Variants in TMEM131L observed in about 807,000 individuals in gnomAD.
TMEM131L encodes the protein transmembrane protein 131-like.
Under a neutral mutation model 192.2 loss-of-function variants are expected in TMEM131L, and 54 were observed. That is an observed-to-expected ratio of 0.28 (90% CI 0.23 to 0.35). The LOEUF is 0.35. TMEM131L is among the 10% of genes least tolerant of loss of function. The pLI is 1.00. For missense variants in TMEM131L, 1,888 were observed against 1,972.9 expected, an observed-to-expected ratio of 0.96 and a Z score of 0.82; for synonymous variants, 701 against 704.9, an observed-to-expected ratio of 0.99 and a Z score of 0.09.
At chr4:153,568,601 C>CCTAGCATAGAGT (rs150075870) in intron 7 of TMEM131L, among the ~76,000 whole-genome samples, 17,129 of 152,054 alleles carry the variant, frequency 0.11, 2,877 homozygotes, top group African/African-American at 0.37. Context: ...TTTCCTATTA[C>CCTAGCATAGAGT]CTGGCAATAT....
chr4:153,605,141 T>A (rs191544137), intron 25 of TMEM131L, among the ~76,000 whole-genome samples: 1 of 152,348 alleles, frequency 6.6e-6, no homozygotes. Flanking sequence ...CTGGTTCTTC[T>A]CTAATTGTAT....
chr4:153,545,236 C>T (rs1403396987), intron 3 of TMEM131L, among the ~76,000 whole-genome samples: 1 of 151,880 alleles, frequency 6.6e-6, no homozygotes, highest in African/African-American at 2.4e-5. Context: ...AGGACCTGAC[C>T]CAGCACCTTC....
intron 26 of TMEM131L, among the ~76,000 whole-genome samples, chr4:153,616,829 T>G (rs771756180): frequency 2.0e-5 from 3 of 152,234 alleles, no homozygotes; most frequent in Non-Finnish European, 4.4e-5. Flanking sequence ...TTTCAGTGGT[T>G]ACATAACATT....
chr4:153,489,192 C>G (rs925303158), intron 3 of TMEM131L, among the ~76,000 whole-genome samples: 2 of 152,144 alleles, frequency 1.3e-5, no homozygotes, highest in Non-Finnish European at 2.9e-5. Context: ...TTTCCTTGCC[C>G]TCCCCCAACA....
At position 153,581,461 on chromosome 4, in the gene TMEM131L, A is replaced by G; in HGVS notation, c.793A>G (p.Thr265Ala). ...VLRLQMSIMV[T>A]MENFSKEFEE... The stretch of plus-strand genomic sequence containing the variant: ...GCGTCTACAAATGAGCATAATGGTA[A>G]CAATGGAAAACTTTTCAAAAGAATT... The change falls in exon 9 of 35, where the codon ACA becomes GCA. Residue 265 changes from threonine to alanine, a missense_variant. Physicochemically the swap from Thr to Ala is moderately conservative, Grantham distance 58. Transcript: ENST00000409959. 1 of 1,598,324 alleles carries G rather than the reference A, an allele frequency of 6.3e-7. No individual in the cohort carries two copies. The highest frequency in any genetic ancestry group is 1.1e-5 in the South Asian group (1 of 89,010).
chr4:153,624,002 A>G (rs906402742), intron 29 of TMEM131L, among the ~76,000 whole-genome samples: 1 of 151,842 alleles, frequency 6.6e-6, no homozygotes, highest in East Asian at 1.9e-4. Flanking sequence ...TTTAAATTTT[A>G]CATTCATATA....
At chr4:153,524,989 A>G (rs1355280610) in intron 3 of TMEM131L, among the ~76,000 whole-genome samples, 1 of 152,182 alleles carries the variant, frequency 6.6e-6, no homozygotes, top group African/African-American at 2.4e-5. Context: ...AGCAGGGGCT[A>G]TCTCTGTAAG....
intron 26 of TMEM131L, among the ~76,000 whole-genome samples, chr4:153,620,106 C>T (rs1733284175): frequency 1.3e-5 from 2 of 152,190 alleles, no homozygotes; most frequent in Admixed American, 6.5e-5. Context: ...AAAGGGAATC[C>T]CTCTCCCGTT....
At chr4:153,491,877 T>A (rs1732810218) in intron 3 of TMEM131L, among the ~76,000 whole-genome samples, 6 of 152,198 alleles carry the variant, frequency 3.9e-5, no homozygotes, top group Admixed American at 3.9e-4. Context: ...TGGCTAATTT[T>A]AAAATATTTT....
chr4:153,547,496 G>T (rs11736782), intron 3 of TMEM131L, among the ~76,000 whole-genome samples: 35,434 of 152,138 alleles, frequency 0.23, 6,166 homozygotes, highest in African/African-American at 0.46. Context: ...TAATATGAGC[G>T]AATATTTATT....
chr4:153,473,048 C>T (rs1446201328), intron 2 of TMEM131L, among the ~76,000 whole-genome samples: 1 of 152,184 alleles, frequency 6.6e-6, no homozygotes. Context: ...TTCCCTCGGA[C>T]ATTTTAAATT....
intron 3 of TMEM131L, among the ~76,000 whole-genome samples, chr4:153,520,881 T>C (rs1007455777): frequency 6.6e-6 from 1 of 152,240 alleles, no homozygotes; most frequent in African/African-American, 2.4e-5. Context: ...TTCCCAGGGG[T>C]AATTGTAGCT....
At chr4:153,588,512 C>T (rs1730852832) in intron 15 of TMEM131L, among the ~76,000 whole-genome samples, 2 of 150,984 alleles carry the variant, frequency 1.3e-5, no homozygotes, top group Admixed American at 6.6e-5. Context: ...TTTCCCTCGG[C>T]ACTCTAGATA....
chr4:153,599,779 C>T (rs145752034), intron 21 of TMEM131L, among the ~76,000 whole-genome samples: 339 of 152,258 alleles, frequency 2.2e-3, no homozygotes, highest in Middle Eastern at 6.8e-3. Flanking sequence ...TTAAAATGGC[C>T]GAGCATGGTG....
intron 3 of TMEM131L, among the ~76,000 whole-genome samples, chr4:153,547,195 T>C (rs1011569690): frequency 1.3e-5 from 2 of 152,252 alleles, no homozygotes; most frequent in African/African-American, 4.8e-5. Flanking sequence ...AATAGAGTTT[T>C]CTTTGAAGTT....
chr4:153,567,908 A>G (rs748006268), intron 7 of TMEM131L, among the ~76,000 whole-genome samples: 12 of 152,106 alleles, frequency 7.9e-5, no homozygotes, highest in Admixed American at 7.2e-4. Flanking sequence ...CTCTCTGGAA[A>G]TCCTTCCCTT....
chr4:153,487,877 GAGAC>G lies in TMEM131L; in HGVS notation c.239+13998_239+14001del, dbSNP rs537058532. Reference sequence around the variant, plus strand: ...TGTGAGAGAGAGTGAGAGAGACAAAGAGACAGACAGACTCTGGTGGGCCTGTGGC... The same window carrying G: ...TGTGAGAGAGAGTGAGAGAGACAAAGAGACAGACTCTGGTGGGCCTGTGGC... On this transcript the variant is annotated intron_variant, in intron 3 of 34. Coordinates refer to ENST00000409959, the MANE Select transcript of TMEM131L (RefSeq NM_001131007.2). Among the ~76,000 whole-genome samples, 83 of 150,758 alleles carry G rather than the reference GAGAC, an allele frequency of 5.5e-4. No individual in the cohort carries two copies. In the East Asian group the frequency reaches 5.5e-3, roughly 10 times the overall value.
chr4:153,584,467 T>C (rs1412155197), intron 11 of TMEM131L, among the ~76,000 whole-genome samples: 2 of 152,240 alleles, frequency 1.3e-5, no homozygotes, highest in Non-Finnish European at 2.9e-5. Context: ...AAAAGTATTA[T>C]TTTGATCAAT....
rs748876104 is a variant in TMEM131L, at chr4:153,581,568, G to A, written c.892+8G>A. ...ATGAATCTGAGACCTCAGGTAAGGT[G>A]GAATGTTTAAAAATTTTATTATATT... On this transcript the variant is annotated splice_region_variant and intron_variant, in intron 9 of 34. Transcript: ENST00000409959. The A allele has an allele frequency of 1.1e-5, 16 of 1,511,804 alleles. No individual in the cohort carries two copies. The highest frequency in any genetic ancestry group is 1.4e-5 in the Non-Finnish European group (16 of 1,123,900). 93.6% of individuals were successfully genotyped at this position (1,511,804 alleles called of 1,614,324 possible).
Sources: allele counts gnomAD v4.1 joint callset (sites outside exome capture counted in the v4.1 genomes callset), GRCh38; gene constraint gnomAD v4.1.1; transcripts MANE v1.5; gene names NCBI Gene and HGNC (gene_info 2026-07-23, HGNC 2026-07-21).